The following MAGI3 variants were observed in gnomAD, a reference collection of about 807,000 sequenced individuals.
The protein encoded by MAGI3 is membrane-associated guanylate kinase, WW and PDZ domain-containing protein 3.
In MAGI3, 43 loss-of-function variants were observed where a neutral mutation model predicts 121.8. The observed-to-expected ratio is 0.35, with a 90% CI of 0.28 to 0.46. The LOEUF is 0.46. MAGI3 is among the 20% of genes least tolerant of loss of function. MAGI3 has a pLI of 1.00. For missense variants in MAGI3, 1,547 were observed against 1,797.3 expected, an observed-to-expected ratio of 0.86 and a Z score of 2.52; for synonymous variants, 553 against 639.3, an observed-to-expected ratio of 0.86 and a Z score of 2.04.
Position 113,673,430 on chromosome 1 carries a change from G to A in MAGI3, c.3154G>A (p.Glu1052Lys), listed in dbSNP as rs1264293922. The A allele has an allele frequency of 6.2e-7, 1 of 1,613,098 alleles. No homozygotes were observed. Among genetic ancestry groups the A allele is most frequent in the South Asian group, 1.1e-5 (1 of 90,988 alleles). ...GGGGCTGTTCATCCTTCGTCTTGCT[G>A]AAGATGGTCCTGCCATCAAAGATGG... The part of the protein sequence containing the change: ...NMGLFILRLA[E>K]DGPAIKDGRI... Residue 1052 changes from glutamate to lysine, a missense_variant, in exon 19 of 21, where the codon GAA becomes AAA. By Grantham distance (56) the Glu-to-Lys change is moderately conservative (BLOSUM62 1). Coordinates refer to ENST00000307546, the MANE Select transcript of MAGI3 (RefSeq NM_001142782.2).
chr1:113,413,737 C>T lies in MAGI3; in HGVS notation c.316+22388C>T, dbSNP rs138016655. ...TTTTGCAGATTGATTTTGTATCCTG[C>T]GACTTTGCCGAGGTTGCTTATCAGC... On this transcript the variant is annotated intron_variant, in intron 1 of 20. Transcript: ENST00000307546. Among the ~76,000 whole-genome samples the T allele has an allele frequency of 4.5e-3, 691 of 152,142 alleles. 9 individuals are homozygous for T. The highest frequency in any genetic ancestry group is 0.016 in the African/African-American group (648 of 41,502).
rs913742295 is a variant in MAGI3 at position 113,610,942 on chromosome 1, T to A, written c.1019-3659T>A. 4.1e-3 allele frequency among the ~76,000 whole-genome samples: 618 copies of A among 151,096 alleles called. 7 individuals are homozygous for A. Among genetic ancestry groups the A allele is most frequent in the African/African-American group, 0.014 (568 of 41,258 alleles). ...AGGAAGACTCCATCTCAAAAAAAAA[T>A]AAAAAATAAAAACCTGCCATTTCTT... is the stretch of plus-strand genomic sequence containing the variant. On this transcript the variant is annotated intron_variant, in intron 6 of 20. Transcript: ENST00000307546.
intron 2 of MAGI3, among the ~76,000 whole-genome samples, chr1:113,578,839 T>C (rs1332036139): frequency 6.6e-6 from 1 of 152,016 alleles, no homozygotes; most frequent in Non-Finnish European, 1.5e-5. Flanking sequence ...TGCTTATTTT[T>C]AGAAAAAAAA....
chr1:113,409,504 G>A (rs1651861587), intron 1 of MAGI3, among the ~76,000 whole-genome samples: 3 of 152,112 alleles, frequency 2.0e-5, no homozygotes, highest in Admixed American at 2.0e-4. Flanking sequence ...TTAGCCAGGT[G>A]TGGTGGTGCA....
intron 1 of MAGI3, among the ~76,000 whole-genome samples, chr1:113,497,178 T>A (rs7552618): frequency 1.3e-5 from 2 of 151,696 alleles, no homozygotes; most frequent in Admixed American, 6.6e-5. Context: ...GATCACTTGA[T>A]CCCAGGAGGT....
At chr1:113,590,442 C>A (rs367905925) in intron 4 of MAGI3, 42 bp from the exon 5 acceptor site, 11 of 1,596,634 alleles carry the variant, frequency 6.9e-6, no homozygotes, top group South Asian at 1.1e-5. Flanking sequence ...AAGAATATAA[C>A]TTTACCCACT....
In MAGI3 at chr1:113,683,573, C is replaced by T. The variant is rs374379141; in HGVS notation, c.4005C>T (p.Asp1335=). The change falls in exon 21 of 21, where the codon GAC becomes GAT. Residue 1335 remains aspartate (D), a synonymous_variant. Transcript: ENST00000307546. The part of the protein sequence containing the change: ...EQIPDGKEKS[D]VIRKDAKQNQ... ...TCCCAGATGGGAAGGAAAAATCAGACGTCATCAGGAAAGATGCAAAGCAGA... is the reference window on the plus strand; with the variant it reads ...TCCCAGATGGGAAGGAAAAATCAGATGTCATCAGGAAAGATGCAAAGCAGA... 7.9e-5 allele frequency: 127 copies of T among 1,613,678 alleles called. No homozygotes were observed. Among genetic ancestry groups the T allele is most frequent in the Middle Eastern group, 1.6e-4 (1 of 6,084 alleles).
intron 1 of MAGI3, among the ~76,000 whole-genome samples, chr1:113,426,383 G>C (rs1472666658): frequency 6.6e-6 from 1 of 152,138 alleles, no homozygotes; most frequent in Non-Finnish European, 1.5e-5. Flanking sequence ...GTTGTTGGGT[G>C]GGGTGTTCTA....
chr1:113,630,199 C>T (rs1025082223), intron 9 of MAGI3, among the ~76,000 whole-genome samples: 1 of 152,090 alleles, frequency 6.6e-6, no homozygotes, highest in Non-Finnish European at 1.5e-5. Flanking sequence ...TCACCTTCCA[C>T]AGACAGAGAA....
At chr1:113,553,500 G>A (rs1211638888) in intron 2 of MAGI3, among the ~76,000 whole-genome samples, 1 of 152,092 alleles carries the variant, frequency 6.6e-6, no homozygotes, top group African/African-American at 2.4e-5. Flanking sequence ...GCTTACCCAG[G>A]GGCCAGGAGA....
intron 2 of MAGI3, among the ~76,000 whole-genome samples, chr1:113,557,663 CCCAGA>C (rs1159391905): frequency 6.6e-6 from 1 of 152,184 alleles, no homozygotes; most frequent in Non-Finnish European, 1.5e-5. Flanking sequence ...CCTTGGAGAG[CCCAGA>C]CCAATAGGGA....
intron 9 of MAGI3, among the ~76,000 whole-genome samples, chr1:113,637,329 G>A (rs1652103744): frequency 6.6e-6 from 1 of 152,120 alleles, no homozygotes. Context: ...TAGCCTCGAT[G>A]GTCTTTACAA....
At chr1:113,540,155 T>C (rs1445336752) in intron 1 of MAGI3, among the ~76,000 whole-genome samples, 2 of 152,326 alleles carry the variant, frequency 1.3e-5, no homozygotes, top group East Asian at 3.9e-4. Context: ...GTCTTTGAAG[T>C]CTACAGTAAA....
intron 16 of MAGI3, among the ~76,000 whole-genome samples, chr1:113,670,003 C>CA (rs11302295): frequency 0.029 from 2,453 of 85,164 alleles, 57 homozygotes; most frequent in Admixed American, 0.083. Flanking sequence ...TCCAGGTCTC[C>CA]AAAAAAAAAA....
intron 9 of MAGI3, among the ~76,000 whole-genome samples, chr1:113,635,279 G>A (rs912154956): frequency 2.6e-5 from 4 of 152,204 alleles, no homozygotes; most frequent in African/African-American, 9.6e-5. Context: ...TAGGAGTGGT[G>A]AGAGAGGGCA....
chr1:113,663,067 A>T lies in MAGI3; in HGVS notation c.2815+3802A>T, dbSNP rs887792625. On this transcript the variant is annotated intron_variant, in intron 16 of 20. Coordinates refer to ENST00000307546, the MANE Select transcript of MAGI3 (RefSeq NM_001142782.2). ...ATGGAGAAACCCCACCTCTACTAAA[A>T]ATACAAAATTAGCCAGGCGTGATGG... Among the ~76,000 whole-genome samples the T allele has an allele frequency of 5.3e-5, 8 of 152,154 alleles. No homozygotes were observed. In the South Asian group the frequency reaches 1.7e-3, roughly 32 times the overall value.
intron 1 of MAGI3, among the ~76,000 whole-genome samples, chr1:113,437,644 C>T (rs149422950): frequency 6.6e-6 from 1 of 152,090 alleles, no homozygotes; most frequent in East Asian, 1.9e-4. Context: ...ATCAGTTACT[C>T]TTATCAGTCC....
chr1:113,671,293 G>A (rs1464693359), intron 16 of MAGI3, among the ~76,000 whole-genome samples: 1 of 152,150 alleles, frequency 6.6e-6, no homozygotes, highest in Non-Finnish European at 1.5e-5. Flanking sequence ...GTTCAAAGGT[G>A]TGAGTGTGGT....
At chr1:113,623,416 C>T (rs1163524330) in intron 9 of MAGI3, among the ~76,000 whole-genome samples, 3 of 149,156 alleles carry the variant, frequency 2.0e-5, no homozygotes, top group Non-Finnish European at 4.4e-5. Context: ...TATATATACA[C>T]ACACATATAT....
Sources: allele counts gnomAD v4.1 joint callset (sites outside exome capture counted in the v4.1 genomes callset), GRCh38; gene constraint gnomAD v4.1.1; transcripts MANE v1.5; gene names NCBI Gene and HGNC (gene_info 2026-07-23, HGNC 2026-07-21).